FANCM: variants seen among roughly 807,000 people sequenced by gnomAD.
FANCM encodes the protein FA complementation group M, also known as Fanconi anemia group M protein.
A neutral mutation model predicts 199.5 loss-of-function variants in FANCM; 140 were observed. The ratio of observed to expected loss-of-function variants is 0.70; its 90% CI spans 0.61 to 0.81. The LOEUF (loss-of-function observed/expected upper bound fraction) is 0.81. FANCM is among the 30% of genes least tolerant of loss of function. The pLI, the probability that FANCM is intolerant of heterozygous loss-of-function variation, is 0.00. For synonymous variants in FANCM, 840 were observed against 836.8 expected (o/e 1.00, Z -0.07); for missense variants, 2,410 against 2,421.4 (o/e 1.00, Z 0.10).
chr14:45,160,784 G>A (rs1887549159), intron 9 of FANCM, among the ~76,000 whole-genome samples: 1 of 151,838 alleles, frequency 6.6e-6, no homozygotes, highest in Non-Finnish European at 1.5e-5. Context: ...CTCGTGATCC[G>A]CCCGCCTCGG....
chr14:45,164,490 A>C lies in FANCM; in HGVS notation c.1713A>C (p.Val571=). 6.2e-7 allele frequency: 1 copy of C among 1,613,748 alleles called. No individual in the cohort carries two copies. Among genetic ancestry groups the C allele is most frequent in the Non-Finnish European group, 8.5e-7 (1 of 1,180,008 alleles). Residue 571 remains valine, a synonymous_variant, in exon 10 of 23, where the codon GTA becomes GTC. Transcript: ENST00000267430. The part of the protein sequence containing the change: ...FDSQKSPIRL[V]QRMGRTGRKR... ...CCCAGAAGAGCCCAATTCGTCTTGTACAACGAATGGGTAGAACTGGCCGTA... is the reference window on the plus strand; with the variant it reads ...CCCAGAAGAGCCCAATTCGTCTTGTCCAACGAATGGGTAGAACTGGCCGTA...
intron 9 of FANCM, among the ~76,000 whole-genome samples, chr14:45,163,675 A>G (rs184164973): frequency 1.3e-5 from 2 of 152,346 alleles, no homozygotes; most frequent in South Asian, 4.1e-4. Context: ...CCTATTTCAG[A>G]TAAAGCTATA....
At position 45,175,768 on chromosome 14, in the gene FANCM, C is replaced by A. The variant is rs200768114; in HGVS notation, c.3014C>A (p.Ser1005Ter). The A allele has an allele frequency of 6.2e-7, 1 of 1,613,634 alleles. No homozygotes were observed. Among genetic ancestry groups the A allele is most frequent in the African/African-American group, 1.3e-5 (1 of 75,020 alleles). Residue 1005 changes from serine (S) to a stop codon, truncating the protein, a stop_gained, in exon 14 of 23, where the codon TCA becomes TAA. Transcript: ENST00000267430. LOFTEE classifies it high-confidence loss of function. ...TCTCCTCCGCCTCTCAGTGGACTCT[C>A]AGACTTGGAATATGAAATTGCTAAG... Reference protein sequence around the residue: ...SYSPPPLSGLSDLEYEIAKGT... With the variant: ...SYSPPPLSGL
chr14:45,151,625 T>A, intron 5 of FANCM, 97 bp downstream of exon 5: 2 of 1,146,822 alleles, frequency 1.7e-6, no homozygotes, highest in Non-Finnish European at 2.6e-6. Context: ...TATTAGCTCA[T>A]CAATAATTGA....
At position 45,196,415 on chromosome 14, in the gene FANCM, G is replaced by T. The variant is rs1280753248; in HGVS notation, c.5584G>T (p.Val1862Leu). Residue 1862 changes from valine to leucine, a missense_variant, in exon 21 of 23, where the codon GTG becomes TTG. Val to Leu is a conservative substitution (Grantham distance 32). Coordinates refer to ENST00000267430, the MANE Select transcript of FANCM (RefSeq NM_020937.4). ...TGATTACATCGTGAGTAATCGCATG[G>T]TGGTGGAAAGGAGGTCTCAATCTGA... ...GCDYIVSNRM[V>L]VERRSQSEML... 1 of 1,614,154 alleles carries T rather than the reference G, an allele frequency of 6.2e-7. No homozygotes were observed. The highest frequency in any genetic ancestry group is 1.7e-5 in the Admixed American group (1 of 60,020).
chr14:45,174,944 T>C, intron 13 of FANCM, 127 bp from the exon 14 acceptor site: 1 of 612,674 alleles, frequency 1.6e-6, no homozygotes, highest in East Asian at 2.8e-5. Flanking sequence ...TTTTAAGGTA[T>C]AAAAGAATAT....
At chr14:45,145,922 A>G (rs1324362925) in intron 3 of FANCM, among the ~76,000 whole-genome samples, 4 of 149,838 alleles carry the variant, frequency 2.7e-5, no homozygotes, top group Admixed American at 1.3e-4. Flanking sequence ...AGCCGGGCGT[A>G]GTGGCGGGCG....
At chr14:45,171,189 C>T (rs1888318734) in intron 12 of FANCM, among the ~76,000 whole-genome samples, 2 of 151,216 alleles carry the variant, frequency 1.3e-5, no homozygotes, top group Non-Finnish European at 2.9e-5. Context: ...CCAGGCTGGC[C>T]ATCAGCTCCT....
At chr14:45,163,077 C>T (rs923990017) in intron 9 of FANCM, among the ~76,000 whole-genome samples, 3 of 152,158 alleles carry the variant, frequency 2.0e-5, no homozygotes, top group African/African-American at 4.8e-5. Context: ...TAACATAATA[C>T]ATTTATATTT....
chr14:45,200,028 G>GT lies in FANCM; in HGVS notation c.*24dup, dbSNP rs762955455. The GT allele has an allele frequency of 2.4e-5, 38 of 1,587,140 alleles. No homozygotes were observed. The African/African-American group carries it at 3.5e-4, about 15-fold the overall frequency. ...ATATAATCAAGCTGCTCAAGATGGGGTTTTCAAAGACCTCTCACAATATTA... is the reference window on the plus strand; with the variant it reads ...ATATAATCAAGCTGCTCAAGATGGGGTTTTTCAAAGACCTCTCACAATATTA... On this transcript the variant is annotated 3_prime_UTR_variant, in exon 23 of 23. Coordinates refer to ENST00000267430, the MANE Select transcript of FANCM (RefSeq NM_020937.4).
At chr14:45,159,322 T>A (rs756669135) in intron 9 of FANCM, 42 bp downstream of exon 9, 1 of 1,453,780 alleles carries the variant, frequency 6.9e-7, no homozygotes, top group East Asian at 2.3e-5. Context: ...ATAAGATTGA[T>A]TAGCTTTGCA....
intron 2 of FANCM, chr14:45,137,577 A>G: frequency 1.3e-5 from 4 of 312,002 alleles, no homozygotes; most frequent in South Asian, 1.2e-4. Flanking sequence ...TGAAATTAAT[A>G]AAGATTGGTA....
intron 20 of FANCM, among the ~76,000 whole-genome samples, chr14:45,192,663 C>G (rs1034128843): frequency 6.6e-6 from 1 of 151,532 alleles, no homozygotes; most frequent in Non-Finnish European, 1.5e-5. Context: ...AAAAACCAAA[C>G]AAAAGCAACA....
Position 45,183,908 on chromosome 14 carries a change from C to G in FANCM, c.4515+6C>G, listed in dbSNP as rs1302046374. 1 of 1,601,678 alleles carries G rather than the reference C, an allele frequency of 6.2e-7. No individual in the cohort carries two copies. Among genetic ancestry groups the G allele is most frequent in the Non-Finnish European group, 8.5e-7 (1 of 1,170,628 alleles). On this transcript the variant is annotated splice_donor_region_variant and intron_variant, in intron 17 of 22. Transcript: ENST00000267430. ...AGAGACAGAGTCACTTAAAGGTAATCTTTTTTTTAGTTTCTTTAAATATGT... is the reference window on the plus strand; with the variant it reads ...AGAGACAGAGTCACTTAAAGGTAATGTTTTTTTTAGTTTCTTTAAATATGT...
intron 20 of FANCM, among the ~76,000 whole-genome samples, chr14:45,191,034 G>T (rs1889736098): frequency 6.6e-6 from 1 of 152,134 alleles, no homozygotes; most frequent in South Asian, 2.1e-4. Context: ...TGCCTGGCAA[G>T]ATTATTATTT....
intron 2 of FANCM, among the ~76,000 whole-genome samples, chr14:45,138,461 T>C (rs1383327748): frequency 6.6e-6 from 1 of 152,136 alleles, no homozygotes; most frequent in Admixed American, 6.5e-5. Flanking sequence ...TATAATATAT[T>C]TTTCCACTTA....
chr14:45,185,416 AT>A, intron 18 of FANCM, 43 bp downstream of exon 18: 1 of 1,138,124 alleles, frequency 8.8e-7, no homozygotes, highest in Non-Finnish European at 1.3e-6. Flanking sequence ...CAATGTTTTT[AT>A]GTGCTTATAT....
chr14:45,162,254 C>T (rs1383804757), intron 9 of FANCM, among the ~76,000 whole-genome samples: 6 of 152,188 alleles, frequency 3.9e-5, no homozygotes, highest in African/African-American at 9.6e-5. Context: ...GGCATGGTGG[C>T]GGATGCCTAT....
chr14:45,140,482 A>G (rs1885831796), intron 2 of FANCM, 150 bp from the exon 3 acceptor site: 2 of 637,856 alleles, frequency 3.1e-6, no homozygotes, highest in African/African-American at 1.8e-5. Flanking sequence ...TGCTCTTCAG[A>G]TAATATAACT....
Sources: allele counts gnomAD v4.1 joint callset (sites outside exome capture counted in the v4.1 genomes callset), GRCh38; gene constraint gnomAD v4.1.1; transcripts MANE v1.5; gene names NCBI Gene and HGNC (gene_info 2026-07-23, HGNC 2026-07-21).